The following LRRTM4 variants were observed in gnomAD, a reference collection of about 807,000 sequenced individuals.
LRRTM4 encodes the protein leucine rich repeat transmembrane neuronal 4, also known as leucine-rich repeat transmembrane neuronal protein 4.
LRRTM4 carries 25 observed loss-of-function variants against 47.6 expected under a neutral mutation model. That is an observed-to-expected ratio of 0.53 (90% CI 0.38 to 0.73). The LOEUF is 0.73. Among genes scored for constraint, LRRTM4 ranks in the 30% least tolerant of loss-of-function variants. The pLI is 0.00. For missense variants in LRRTM4, 638 were observed against 713.4 expected, an observed-to-expected ratio of 0.89 and a Z score of 1.20; for synonymous variants, 311 against 269.5, an observed-to-expected ratio of 1.15 and a Z score of -1.51.
intron 3 of LRRTM4, among the ~76,000 whole-genome samples, chr2:77,295,331 G>A (rs1385335468): frequency 6.6e-6 from 1 of 151,976 alleles, no homozygotes; most frequent in Non-Finnish European, 1.5e-5. Flanking sequence ...GAAACTTTCT[G>A]CTATTTATAA....
intron 3 of LRRTM4, among the ~76,000 whole-genome samples, chr2:76,947,188 A>C (rs1488410965): frequency 1.3e-5 from 2 of 152,016 alleles, no homozygotes; most frequent in African/African-American, 2.4e-5. Flanking sequence ...GATAATAATA[A>C]GTAGTAGTAG....
At chr2:77,029,900 G>C (rs1043457262) in intron 3 of LRRTM4, among the ~76,000 whole-genome samples, 1 of 152,096 alleles carries the variant, frequency 6.6e-6, no homozygotes, top group African/African-American at 2.4e-5. Flanking sequence ...CAAAATCCTA[G>C]GGACTCAGGG....
intron 2 of LRRTM4, among the ~76,000 whole-genome samples, chr2:77,521,139 G>T (rs917420722): frequency 6.6e-6 from 1 of 151,688 alleles, no homozygotes; most frequent in Admixed American, 6.6e-5. Flanking sequence ...ACAGGAGAAA[G>T]GGGGGGAAAA....
rs1680472772 is a variant in LRRTM4 at position 77,079,831 on chromosome 2, ACT to A, written c.1552-330917_1552-330916del. Among the ~76,000 whole-genome samples the A allele has an allele frequency of 5.9e-5, 9 of 151,964 alleles. No individual in the cohort carries two copies. The South Asian group carries it at 1.9e-3, about 32-fold the overall frequency. ...TTTTATTTCTAATTTCTATTCTTTTACTTTTTTTTAGTTTTCTGTATGTTCCA... is the reference window on the plus strand; with the variant it reads ...TTTTATTTCTAATTTCTATTCTTTTATTTTTTTAGTTTTCTGTATGTTCCA... On this transcript the variant is annotated intron_variant, in intron 3 of 3. Coordinates refer to ENST00000409884, the MANE Select transcript of LRRTM4 (RefSeq NM_001134745.3).
At chr2:76,804,100 T>G (rs1425225331) in intron 3 of LRRTM4, among the ~76,000 whole-genome samples, 2 of 152,154 alleles carry the variant, frequency 1.3e-5, no homozygotes, top group African/African-American at 4.8e-5. Flanking sequence ...TTCTTTGCTT[T>G]GTGCCATTTT....
At chr2:77,417,216 G>A (rs1674670516) in intron 3 of LRRTM4, among the ~76,000 whole-genome samples, 1 of 152,174 alleles carries the variant, frequency 6.6e-6, no homozygotes, top group African/African-American at 2.4e-5. Context: ...CAGTTAGAAT[G>A]GCAGTCATTA....
intron 3 of LRRTM4, among the ~76,000 whole-genome samples, chr2:76,902,135 G>A (rs1011083073): frequency 3.1e-4 from 47 of 152,172 alleles, no homozygotes; most frequent in South Asian, 2.1e-4. Flanking sequence ...TAATACAATA[G>A]AAGCCCACTT....
chr2:76,877,562 G>C (rs1437233267), intron 3 of LRRTM4, among the ~76,000 whole-genome samples: 2 of 151,866 alleles, frequency 1.3e-5, no homozygotes, highest in South Asian at 4.2e-4. Flanking sequence ...TTACCTCACT[G>C]TTTTACATTC....
In LRRTM4 at chr2:76,781,576, G is replaced by A. The variant is rs542203116; in HGVS notation, c.1552-32660C>T. 6.4e-4 allele frequency among the ~76,000 whole-genome samples: 98 copies of A among 152,308 alleles called. 2 individuals are homozygous for A. In the South Asian group the frequency reaches 0.016, roughly 25 times the overall value. The stretch of plus-strand genomic sequence containing the variant: ...GAAAGGGAACTCCGTGACCCCTTGC[G>A]CTTCCCAAGTGAGGCAATGCCTCGC... On this transcript the variant is annotated intron_variant, in intron 3 of 3. Transcript: ENST00000409884.
chr2:76,828,802 A>C (rs187692373), intron 3 of LRRTM4, among the ~76,000 whole-genome samples: 1 of 152,018 alleles, frequency 6.6e-6, no homozygotes, highest in African/African-American at 2.4e-5. Flanking sequence ...AAAGCCTAGC[A>C]CGAAACTCAT....
chr2:77,351,181 C>T (rs1671755572), intron 3 of LRRTM4, among the ~76,000 whole-genome samples: 1 of 151,874 alleles, frequency 6.6e-6, no homozygotes, highest in South Asian at 2.1e-4. Flanking sequence ...ATTTGGTTTT[C>T]CATTTCTGCA....
intron 3 of LRRTM4, among the ~76,000 whole-genome samples, chr2:76,881,635 ACTT>A (rs937190720): frequency 1.3e-5 from 2 of 152,018 alleles, no homozygotes; most frequent in Non-Finnish European, 2.9e-5. Context: ...AAACTGAACT[ACTT>A]CTTTTTTTCT....
rs1384172373 is a variant in LRRTM4, at chr2:76,748,307, C to A, written c.*388G>T. ...GGTTGTTTCCCTAGCTTCCCACCCACCCCTGTTTATTTGCTCCCCTGTGGT... is the reference window on the plus strand; with the variant it reads ...GGTTGTTTCCCTAGCTTCCCACCCAACCCTGTTTATTTGCTCCCCTGTGGT... On this transcript the variant is annotated 3_prime_UTR_variant, in exon 4 of 4. Transcript: ENST00000409884. 1.2e-5 allele frequency: 2 copies of A among 169,642 alleles called. No individual in the cohort carries two copies. Among genetic ancestry groups the A allele is most frequent in the Non-Finnish European group, 1.3e-5 (1 of 79,066 alleles). 10.5% of individuals were successfully genotyped at this position (169,642 alleles called of 1,614,324 possible).
intron 3 of LRRTM4, among the ~76,000 whole-genome samples, chr2:77,165,360 C>G (rs1430937147): frequency 6.6e-6 from 1 of 152,116 alleles, no homozygotes. Context: ...CCGACAGATT[C>G]ACAGCCAAAT....
intron 3 of LRRTM4, among the ~76,000 whole-genome samples, chr2:77,440,114 T>C (rs1229595033): frequency 6.6e-6 from 1 of 152,006 alleles, no homozygotes; most frequent in Non-Finnish European, 1.5e-5. Context: ...CCAAAGAATG[T>C]ATTAAAAACC....
At chr2:77,467,226 G>C (rs551394633) in intron 3 of LRRTM4, among the ~76,000 whole-genome samples, 1 of 151,782 alleles carries the variant, frequency 6.6e-6, no homozygotes, top group African/African-American at 2.4e-5. Flanking sequence ...CTCCCACTTG[G>C]GCCTGGTGAT....
chr2:77,000,134 G>A (rs550194280), intron 3 of LRRTM4, among the ~76,000 whole-genome samples: 5 of 149,260 alleles, frequency 3.3e-5, no homozygotes, highest in East Asian at 2.1e-4. Context: ...TGGCTGATAC[G>A]GAGAAAGAGT....
intron 3 of LRRTM4, among the ~76,000 whole-genome samples, chr2:76,935,790 C>T (rs532802358): frequency 2.0e-5 from 3 of 152,108 alleles, no homozygotes; most frequent in Non-Finnish European, 4.4e-5. Context: ...CTTCTACAAA[C>T]AGATAATTTG....
At chr2:77,247,946 A>G (rs1675493549) in intron 3 of LRRTM4, among the ~76,000 whole-genome samples, 1 of 150,206 alleles carries the variant, frequency 6.7e-6, no homozygotes, top group South Asian at 2.1e-4. Flanking sequence ...TAATATTAAT[A>G]TATTATTAGT....
Sources: allele counts gnomAD v4.1 joint callset (sites outside exome capture counted in the v4.1 genomes callset), GRCh38; gene constraint gnomAD v4.1.1; transcripts MANE v1.5; gene names NCBI Gene and HGNC (gene_info 2026-07-23, HGNC 2026-07-21).